The following LTBP3 variants were observed in gnomAD, a reference collection of about 807,000 sequenced individuals.
LTBP3 encodes the protein latent-transforming growth factor beta-binding protein 3.
In LTBP3, 97 loss-of-function variants were observed where a neutral mutation model predicts 159.7. The observed-to-expected ratio is 0.61, with a 90% CI of 0.52 to 0.72. The LOEUF (loss-of-function observed/expected upper bound fraction) is 0.72. Among genes scored for constraint, LTBP3 ranks in the 30% least tolerant of loss-of-function variants. LTBP3 has a pLI of 0.00. For missense variants in LTBP3, 1,584 were observed against 1,864.3 expected, an observed-to-expected ratio of 0.85 and a Z score of 2.77; for synonymous variants, 824 against 777.1, an observed-to-expected ratio of 1.06 and a Z score of -1.00.
chr11:65,551,544 T>G lies in LTBP3; in HGVS notation c.1548+4A>C. 3 of 1,613,972 alleles carry G rather than the reference T, an allele frequency of 1.9e-6. No individual in the cohort carries two copies. Among genetic ancestry groups the G allele is most frequent in the Non-Finnish European group, 2.5e-6 (3 of 1,180,006 alleles). On this transcript the variant is annotated splice_donor_region_variant and intron_variant, in intron 9 of 27. Transcript: ENST00000301873. ...ACCCCTCCCATCTGGGTTCTCATAC[T>G]CACTGAGTCCGTGGTCACCCCTAAA...
chr11:65,555,549 C>T (rs529814965), intron 1 of LTBP3, among the ~76,000 whole-genome samples: 2 of 152,310 alleles, frequency 1.3e-5, no homozygotes, highest in East Asian at 3.9e-4. Context: ...CTGCCTGGCA[C>T]CTGCTTGGCT....
chr11:65,549,567 CTTTTTT>C lies in LTBP3; in HGVS notation c.1721-1528_1721-1523del, dbSNP rs748132211. Among the ~76,000 whole-genome samples, 147 of 64,760 alleles carry C rather than the reference CTTTTTT, an allele frequency of 2.3e-3. No individual in the cohort carries two copies. In the East Asian group the frequency reaches 0.056, roughly 25 times the overall value. The allele number at this position is 64,760 out of a possible 152,430, so 42.5% of individuals were successfully genotyped here. ...GCATGCACCACCACGCCCAGCTAAT[CTTTTTT>C]TTTTTTTTTTTTTTTTTTGGATTTT... On this transcript the variant is annotated intron_variant, in intron 11 of 27. Coordinates refer to ENST00000301873, the MANE Select transcript of LTBP3 (RefSeq NM_001130144.3).
Position 65,540,340 on chromosome 11 carries a change from A to G in LTBP3, c.3149T>C (p.Val1050Ala). 6.3e-7 allele frequency: 1 copy of G among 1,584,738 alleles called. No individual in the cohort carries two copies. The highest frequency in any genetic ancestry group is 8.6e-7 in the Non-Finnish European group (1 of 1,166,946). The change falls in exon 23 of 28, where the codon GTG (valine) becomes GCG (alanine). Residue 1050 changes from valine (V) to alanine (A), a missense_variant. By Grantham distance (64) the Val-to-Ala change is moderately conservative. Coordinates refer to ENST00000301873, the MANE Select transcript of LTBP3 (RefSeq NM_001130144.3). ...CLDESNCRNG[V>A]CENTRGGYRC... ...GTAGCCGCCGCGCGTGTTCTCACAC[A>G]CTCCGTTCCGGCAGTTGGACTCGTC... is the stretch of plus-strand genomic sequence containing the variant.
intron 18 of LTBP3, 102 bp downstream of exon 18, chr11:65,543,003 G>C: frequency 6.9e-7 from 1 of 1,454,812 alleles, no homozygotes; most frequent in Admixed American, 1.7e-5. Context: ...GATGAAGGAT[G>C]GTTGGATGGG....
intron 16 of LTBP3, chr11:65,545,528 C>T (rs1387007982): frequency 8.6e-6 from 2 of 231,376 alleles, no homozygotes; most frequent in East Asian, 6.1e-5. Flanking sequence ...AAACTGGAAA[C>T]GGGGAGGGGT....
At chr11:65,555,194 C>A (rs1856766331) in intron 1 of LTBP3, among the ~76,000 whole-genome samples, 1 of 152,218 alleles carries the variant, frequency 6.6e-6, no homozygotes, top group East Asian at 1.9e-4. Context: ...CAGACCCCTC[C>A]TTGGCTTCCA....
intron 18 of LTBP3, 154 bp from the exon 19 acceptor site, chr11:65,541,882 G>C (rs1856152435): frequency 4.8e-6 from 4 of 828,142 alleles, no homozygotes; most frequent in South Asian, 4.4e-5. Context: ...GTGTCTGAAT[G>C]TGCATGTGGA....
chr11:65,544,642 C>G (rs1856288894), intron 16 of LTBP3: 1 of 152,652 alleles, frequency 6.6e-6, no homozygotes, highest in Non-Finnish European at 1.5e-5. Context: ...CAGCCCCATG[C>G]CCTGGGATAC....
At position 65,542,846 on chromosome 11, in the gene LTBP3, T is replaced by C. The variant is rs572517038; in HGVS notation, c.2596+259A>G. 41 of 495,972 alleles carry C rather than the reference T, an allele frequency of 8.3e-5. No homozygotes were observed. In the East Asian group the frequency reaches 1.5e-3, roughly 19 times the overall value. 30.7% of individuals were successfully genotyped at this position (495,972 alleles called of 1,614,324 possible). Reference sequence around the variant, plus strand: ...CTAACTGTCATGTTTACTGTGATCATTGTTATTCTAGGTGAAAGACTGGAA... The same window carrying C: ...CTAACTGTCATGTTTACTGTGATCACTGTTATTCTAGGTGAAAGACTGGAA... On this transcript the variant is annotated intron_variant, in intron 18 of 27. Coordinates refer to ENST00000301873, the MANE Select transcript of LTBP3 (RefSeq NM_001130144.3).
chr11:65,556,085 G>A, intron 1 of LTBP3, among the ~76,000 whole-genome samples: 1 of 152,150 alleles, frequency 6.6e-6, no homozygotes, highest in East Asian at 1.9e-4. Flanking sequence ...CCGAGCCTGG[G>A]GGATGTGGGC....
At position 65,538,654 on chromosome 11, in the gene LTBP3, C is replaced by T; in HGVS notation, c.*426G>A. 1.4e-6 allele frequency: 2 copies of T among 1,431,448 alleles called. No homozygotes were observed. The highest frequency in any genetic ancestry group is 1.9e-6 in the Non-Finnish European group (2 of 1,066,412). 88.7% of individuals were successfully genotyped at this position (1,431,448 alleles called of 1,614,324 possible). On this transcript the variant is annotated 3_prime_UTR_variant, in exon 28 of 28. Transcript: ENST00000301873. Reference sequence around the variant, plus strand: ...ACCATGTGAGCCCGGCCGGCCCAGCCAGGCCATCTCACGTGTACATAATCA... The same window carrying T: ...ACCATGTGAGCCCGGCCGGCCCAGCTAGGCCATCTCACGTGTACATAATCA...
intron 16 of LTBP3, 188 bp from the exon 17 acceptor site, chr11:65,543,737 C>T: frequency 2.8e-6 from 2 of 702,108 alleles, no homozygotes; most frequent in Non-Finnish European, 4.9e-6. Context: ...GCCAGGGTCC[C>T]TAGGCCAGGT....
chr11:65,540,737 G>T, intron 21 of LTBP3, 123 bp from the exon 22 acceptor site: 3 of 1,514,436 alleles, frequency 2.0e-6, no homozygotes, highest in Non-Finnish European at 2.7e-6. Context: ...GGGCCTACAG[G>T]GCGGGGCCTG....
At position 65,539,104 on chromosome 11, in the gene LTBP3, G is replaced by T; in HGVS notation, c.3888C>A (p.Ala1296=). 6 of 1,461,094 alleles carry T rather than the reference G, an allele frequency of 4.1e-6. 1 individual carries two copies. The highest frequency in any genetic ancestry group is 5.4e-6 in the Non-Finnish European group (6 of 1,104,238). 90.5% of individuals were successfully genotyped at this position (1,461,094 alleles called of 1,614,324 possible). Residue 1296 remains alanine (A), a synonymous_variant, in exon 28 of 28, where the codon GCC becomes GCA. Coordinates refer to ENST00000301873, the MANE Select transcript of LTBP3 (RefSeq NM_001130144.3). ...AGFARSRPHG[A]CVPQRRR ...GTCAGCGGCGGCGCTGGGGAACGCAGGCCCCGTGCGGGCGGCTGCGCGCGA... is the reference window on the plus strand; with the variant it reads ...GTCAGCGGCGGCGCTGGGGAACGCATGCCCCGTGCGGGCGGCTGCGCGCGA...
At chr11:65,541,425 T>C in intron 19 of LTBP3, 132 bp from the exon 20 acceptor site, 1 of 1,412,102 alleles carries the variant, frequency 7.1e-7, no homozygotes, top group Non-Finnish European at 9.8e-7. Flanking sequence ...TTGGCTCTGT[T>C]CTCAACGTGG....
Position 65,553,738 on chromosome 11 carries a change from A to G in LTBP3, c.827T>C (p.Leu276Pro), listed in dbSNP as rs780685699. Reference sequence around the variant, plus strand: ...CAGAGTGTCCTGAAAGCAGCGGCCCAGGGGCTTCTGGGTGGGCGGCCGGGG... The same window carrying G: ...CAGAGTGTCCTGAAAGCAGCGGCCCGGGGGCTTCTGGGTGGGCGGCCGGGG... ...SHPRPPTQKP[L>P]GRCFQDTLPK... Residue 276 changes from leucine (L) to proline (P), a missense_variant, in exon 3 of 28, where the codon CTG becomes CCG. By Grantham distance (98) the Leu-to-Pro change is moderately conservative. Coordinates refer to ENST00000301873, the MANE Select transcript of LTBP3 (RefSeq NM_001130144.3). This position sits in a 1 kb window ranked among gnomAD's most constrained non-coding sequence, Gnocchi z 6.5. 1.3e-6 allele frequency: 2 copies of G among 1,577,354 alleles called. No homozygotes were observed. The highest frequency in any genetic ancestry group is 2.3e-5 in the South Asian group (2 of 87,916).
Position 65,546,380 on chromosome 11 carries a change from C to G in LTBP3, c.2353+62G>C. On this transcript the variant is annotated intron_variant, in intron 16 of 27. Transcript: ENST00000301873. This position sits in a 1 kb window ranked among gnomAD's most constrained non-coding sequence, Gnocchi z 4.0. ...CCCACTGTTTACAGACAGCGTGACC[C>G]GCTCCCCGGCTTCAGCGCGTAGGGG... 6.8e-7 allele frequency: 1 copy of G among 1,481,066 alleles called. No individual in the cohort carries two copies. The highest frequency in any genetic ancestry group is 2.5e-5 in the East Asian group (1 of 39,768). The allele number at this position is 1,481,066 out of a possible 1,614,324, so 91.7% of individuals were successfully genotyped here. A position where few individuals can be genotyped will look rare whatever the true frequency, so the allele number is the denominator to read the frequency against.
At chr11:65,549,844 C>A (rs1304433765) in intron 11 of LTBP3, among the ~76,000 whole-genome samples, 2 of 150,134 alleles carry the variant, frequency 1.3e-5, no homozygotes, top group African/African-American at 4.9e-5. Context: ...TCACTTGAGC[C>A]CAGGAGGTCA....
chr11:65,541,814 T>C (rs1590762780), intron 18 of LTBP3, 86 bp from the exon 19 acceptor site: 21 of 1,511,734 alleles, frequency 1.4e-5, no homozygotes, highest in Non-Finnish European at 1.4e-5. Flanking sequence ...GTTCAGAACC[T>C]GAATTTCCAC....
Sources: gnomAD v4.1 joint callset for allele counts (sites outside exome capture counted in the v4.1 genomes callset) on GRCh38, gnomAD v4.1.1 for gene constraint, Gnocchi (gnomAD v3.1) non-coding constraint, MANE v1.5 for transcripts, NCBI Gene and HGNC (gene_info 2026-07-23, HGNC 2026-07-21) for gene names.